PPP1R14C: variants seen among roughly 807,000 people sequenced by gnomAD.
PPP1R14C encodes protein phosphatase 1 regulatory inhibitor subunit 14C.
In PPP1R14C, 16 loss-of-function variants were observed where a neutral mutation model predicts 20.4. That is an observed-to-expected ratio of 0.78 (90% CI 0.53 to 1.19). The LOEUF is 1.19. Among genes scored for constraint, PPP1R14C ranks in the 50% most tolerant of loss-of-function variants. PPP1R14C has a pLI of 0.00. For synonymous variants in PPP1R14C, 91 were observed against 91.0 expected, an observed-to-expected ratio of 1.00 and a Z score of 0.00; for missense variants, 211 against 220.1, an observed-to-expected ratio of 0.96 and a Z score of 0.26.
At chr6:150,230,266 A>G (rs1178116491) in intron 3 of PPP1R14C, among the ~76,000 whole-genome samples, 1 of 152,012 alleles carries the variant, frequency 6.6e-6, no homozygotes, top group East Asian at 1.9e-4. Context: ...CTTCCCACCC[A>G]TCTGCTAATG....
intron 1 of PPP1R14C, among the ~76,000 whole-genome samples, chr6:150,169,491 GA>G (rs1047251249): frequency 3.9e-4 from 59 of 152,120 alleles, no homozygotes; most frequent in Non-Finnish European, 4.1e-4. Flanking sequence ...GTATATGGCA[GA>G]AAAAAAATCA....
intron 1 of PPP1R14C, among the ~76,000 whole-genome samples, chr6:150,191,194 CT>C (rs982364035): frequency 6.6e-6 from 1 of 152,174 alleles, no homozygotes; most frequent in Non-Finnish European, 1.5e-5. Flanking sequence ...CCCAGTGAAC[CT>C]TCCAGGATCA....
rs549230718 is a variant in PPP1R14C at position 150,187,119 on chromosome 6, GCACCTGCCAC to G, written c.307-27622_307-27613del. Among the ~76,000 whole-genome samples the G allele has an allele frequency of 3.9e-5, 6 of 152,148 alleles. No homozygotes were observed. The South Asian group carries it at 1.2e-3, about 32-fold the overall frequency. On this transcript the variant is annotated intron_variant, in intron 1 of 3. Transcript: ENST00000361131. ...GCCTCCTGGGTAGCTGGGATTATAG[GCACCTGCCAC>G]CATGCCCAGCAAATTTTTGTATTTT...
intron 1 of PPP1R14C, among the ~76,000 whole-genome samples, chr6:150,147,467 C>A (rs1018126846): frequency 1.3e-5 from 2 of 151,930 alleles, no homozygotes; most frequent in African/African-American, 4.8e-5. Context: ...CATGAGCCAC[C>A]GCGCCCAGCC....
At chr6:150,150,403 C>T (rs1777231838) in intron 1 of PPP1R14C, among the ~76,000 whole-genome samples, 1 of 152,008 alleles carries the variant, frequency 6.6e-6, no homozygotes, top group Non-Finnish European at 1.5e-5. Context: ...CTAACGTGCC[C>T]CTGCTACACT....
At chr6:150,166,055 T>C (rs569371339) in intron 1 of PPP1R14C, among the ~76,000 whole-genome samples, 1 of 151,472 alleles carries the variant, frequency 6.6e-6, no homozygotes, top group Non-Finnish European at 1.5e-5. Context: ...ATGTGTCACA[T>C]GCCACATACC....
chr6:150,181,474 A>T (rs5002108), intron 1 of PPP1R14C, among the ~76,000 whole-genome samples: 82,209 of 151,614 alleles, frequency 0.54, 22,512 homozygotes, highest in South Asian at 0.61. Flanking sequence ...CATTAAAAAA[A>T]GTTCTCGAAT....
intron 3 of PPP1R14C, among the ~76,000 whole-genome samples, chr6:150,236,079 C>T (rs750635600): frequency 3.9e-5 from 6 of 152,184 alleles, no homozygotes; most frequent in Non-Finnish European, 7.3e-5. Context: ...CCCTCCACCC[C>T]AGGGTGGTGA....
intron 1 of PPP1R14C, among the ~76,000 whole-genome samples, chr6:150,160,473 C>T (rs1777354685): frequency 2.0e-5 from 3 of 150,884 alleles, no homozygotes; most frequent in Non-Finnish European, 4.4e-5. Flanking sequence ...TGGGGTTTCA[C>T]CGTGTTAGCG....
At chr6:150,195,618 G>T (rs758899120) in intron 1 of PPP1R14C, among the ~76,000 whole-genome samples, 1 of 152,192 alleles carries the variant, frequency 6.6e-6, no homozygotes, top group Non-Finnish European at 1.5e-5. Context: ...GGGATTACAG[G>T]CATGAACCAC....
chr6:150,210,903 G>A (rs998388358), intron 1 of PPP1R14C, among the ~76,000 whole-genome samples: 4 of 152,234 alleles, frequency 2.6e-5, no homozygotes, highest in East Asian at 1.9e-4. Flanking sequence ...CCCCATCGAC[G>A]TGCATATTTG....
chr6:150,238,559 C>G (rs939143281), intron 3 of PPP1R14C, among the ~76,000 whole-genome samples: 1 of 152,258 alleles, frequency 6.6e-6, no homozygotes, highest in Non-Finnish European at 1.5e-5. Context: ...CTGACAGGGG[C>G]TGTCCTTTGC....
At chr6:150,243,943 T>A (rs1380294423) in intron 3 of PPP1R14C, among the ~76,000 whole-genome samples, 2 of 152,170 alleles carry the variant, frequency 1.3e-5, no homozygotes, top group African/African-American at 4.8e-5. Flanking sequence ...TGATTCCATT[T>A]ATGTAAAACT....
At chr6:150,196,063 G>A (rs1052930099) in intron 1 of PPP1R14C, 8 of 985,428 alleles carry the variant, frequency 8.1e-6, no homozygotes, top group East Asian at 2.3e-4. Context: ...GACTAAAACC[G>A]TAGTTCTGCT....
intron 1 of PPP1R14C, among the ~76,000 whole-genome samples, chr6:150,202,336 C>T (rs537199477): frequency 2.7e-4 from 41 of 152,320 alleles, no homozygotes; most frequent in East Asian, 1.5e-3. Flanking sequence ...TGCCTGGCTC[C>T]GGCTGGCTTT....
chr6:150,164,429 A>G (rs1370934719), intron 1 of PPP1R14C, among the ~76,000 whole-genome samples: 1 of 152,144 alleles, frequency 6.6e-6, no homozygotes. Flanking sequence ...TACATTTTCA[A>G]CCTATTTAAG....
At chr6:150,183,229 A>G (rs1225036074) in intron 1 of PPP1R14C, among the ~76,000 whole-genome samples, 1 of 152,026 alleles carries the variant, frequency 6.6e-6, no homozygotes, top group Non-Finnish European at 1.5e-5. Context: ...TTAGCAAGCA[A>G]TTCTGGCTGA....
intron 1 of PPP1R14C, among the ~76,000 whole-genome samples, chr6:150,186,102 T>A (rs1169054874): frequency 2.0e-5 from 3 of 152,174 alleles, no homozygotes; most frequent in Admixed American, 6.5e-5. Context: ...GGGTTTGCGA[T>A]AAATGGAGTG....
intron 1 of PPP1R14C, among the ~76,000 whole-genome samples, chr6:150,182,859 G>A (rs761524897): frequency 9.9e-5 from 15 of 152,144 alleles, no homozygotes; most frequent in Admixed American, 2.6e-4. Context: ...TACAGCCTAC[G>A]ACACACCTAG....
Sources: allele counts gnomAD v4.1 joint callset (sites outside exome capture counted in the v4.1 genomes callset), GRCh38; gene constraint gnomAD v4.1.1; transcripts MANE v1.5; gene names NCBI Gene and HGNC (gene_info 2026-07-23, HGNC 2026-07-21).